Variants in KCNJ5 observed in about 807,000 individuals in gnomAD.
The protein encoded by KCNJ5 is potassium inwardly rectifying channel subfamily J member 5.
Under a neutral mutation model 20.2 loss-of-function variants are expected in KCNJ5, and 12 were observed. The observed-to-expected ratio is 0.59, with a 90% CI of 0.38 to 0.96. The LOEUF is 0.96. KCNJ5 is among the 40% of genes least tolerant of loss of function. The pLI, the probability that KCNJ5 is intolerant of heterozygous loss-of-function variation, is 0.00. For missense variants in KCNJ5, 449 were observed against 557.6 expected, an observed-to-expected ratio of 0.81 and a Z score of 1.96; for synonymous variants, 210 against 213.9, an observed-to-expected ratio of 0.98 and a Z score of 0.16.
At chr11:128,891,911 G>T (rs1380675645) in intron 1 of KCNJ5, among the ~76,000 whole-genome samples, 190 bp downstream of exon 1, 2 of 152,234 alleles carry the variant, frequency 1.3e-5, no homozygotes, top group Admixed American at 1.3e-4. Context: ...CTCCGTGGCT[G>T]CAGGCTGCCC....
intron 1 of KCNJ5, chr11:128,902,257 G>A (rs990515622): frequency 3.1e-5 from 14 of 450,456 alleles, no homozygotes; most frequent in Admixed American, 1.5e-4. Flanking sequence ...TTACATCGGC[G>A]CCAGGAACCA....
intron 1 of KCNJ5, chr11:128,900,760 C>T (rs992732216): frequency 6.6e-6 from 1 of 152,246 alleles, no homozygotes; most frequent in Non-Finnish European, 1.5e-5. Flanking sequence ...GCCCAACTAT[C>T]CAACTACAAA....
intron 1 of KCNJ5, among the ~76,000 whole-genome samples, chr11:128,910,618 G>A (rs1391529698): frequency 6.6e-6 from 1 of 152,218 alleles, no homozygotes; most frequent in Non-Finnish European, 1.5e-5. Context: ...TGGCCTGGGT[G>A]TCACTTAACC....
chr11:128,908,030 G>A (rs190607443), intron 1 of KCNJ5, among the ~76,000 whole-genome samples: 8 of 152,348 alleles, frequency 5.3e-5, no homozygotes, highest in Non-Finnish European at 8.8e-5. Flanking sequence ...GGAAGCCAGG[G>A]TTTCAAGGAT....
Position 128,903,374 on chromosome 11 carries a change from A to G in KCNJ5, c.-10-7890A>G, listed in dbSNP as rs763554422. On this transcript the variant is annotated intron_variant, in intron 1 of 2. Coordinates refer to ENST00000529694, the MANE Select transcript of KCNJ5 (RefSeq NM_000890.5). ...TCCGGCAGCTGCACTCACCTCACACAGCCACAGCCGTGGGTGTAGACGGCA... is the reference window on the plus strand; with the variant it reads ...TCCGGCAGCTGCACTCACCTCACACGGCCACAGCCGTGGGTGTAGACGGCA... 2.5e-6 allele frequency: 4 copies of G among 1,614,136 alleles called. No homozygotes were observed. In the Admixed American group the frequency reaches 6.7e-5, roughly 27 times the overall value.
At chr11:128,898,761 G>A (rs1944216492) in intron 1 of KCNJ5, among the ~76,000 whole-genome samples, 1 of 152,076 alleles carries the variant, frequency 6.6e-6, no homozygotes, top group Non-Finnish European at 1.5e-5. Flanking sequence ...TCGGCTCACT[G>A]CCAACCTCTG....
At chr11:128,913,068 C>T (rs754436291) in intron 2 of KCNJ5, among the ~76,000 whole-genome samples, 2 of 152,196 alleles carry the variant, frequency 1.3e-5, no homozygotes, top group Non-Finnish European at 2.9e-5. Context: ...GTGGACTTCT[C>T]GCTGTCCTTA....
intron 1 of KCNJ5, chr11:128,909,924 C>T (rs1944473614): frequency 6.6e-6 from 1 of 152,266 alleles, no homozygotes; most frequent in African/African-American, 2.4e-5. Flanking sequence ...GCATCAGTGT[C>T]TGCTGGCCGT....
Position 128,921,123 on chromosome 11 carries a change from A to C in KCNJ5, c.*4392A>C, listed in dbSNP as rs1944658875. 6.6e-6 allele frequency: 1 copy of C among 152,262 alleles called. No individual in the cohort carries two copies. Among genetic ancestry groups the C allele is most frequent in the African/African-American group, 2.4e-5 (1 of 41,474 alleles). 9.4% of individuals were successfully genotyped at this position (152,262 alleles called of 1,614,324 possible). ...ATGCAAAAGAACACCACTGCACTGC[A>C]CTGCTAAAAATTCACACAATAAAAT... On this transcript the variant is annotated 3_prime_UTR_variant, in exon 3 of 3. Coordinates refer to ENST00000529694, the MANE Select transcript of KCNJ5 (RefSeq NM_000890.5).
intron 2 of KCNJ5, 96 bp from the exon 3 acceptor site, chr11:128,916,313 G>C (rs1944581654): frequency 6.7e-6 from 6 of 898,706 alleles, no homozygotes; most frequent in Admixed American, 1.8e-5. Flanking sequence ...TGGATGGATA[G>C]ATGGATGGAT....
intron 2 of KCNJ5, 42 bp downstream of exon 2, chr11:128,912,252 A>T (rs749017826): frequency 6.7e-7 from 1 of 1,494,416 alleles, no homozygotes; most frequent in Non-Finnish European, 9.2e-7. Context: ...GGCCCTACCT[A>T]CACTTCAGAC....
intron 2 of KCNJ5, among the ~76,000 whole-genome samples, chr11:128,914,489 G>A (rs1944548455): frequency 6.6e-6 from 1 of 152,204 alleles, no homozygotes; most frequent in African/African-American, 2.4e-5. Flanking sequence ...AGATAGGGCA[G>A]GAGACCCTGG....
At chr11:128,902,728 A>G (rs1269831710) in intron 1 of KCNJ5, 2 of 1,589,478 alleles carry the variant, frequency 1.3e-6, no homozygotes, top group African/African-American at 1.3e-5. Flanking sequence ...TGGTGCAAAC[A>G]GGGAGGCTGT....
At chr11:128,905,297 C>T (rs1030170636) in intron 1 of KCNJ5, among the ~76,000 whole-genome samples, 7 of 152,346 alleles carry the variant, frequency 4.6e-5, no homozygotes, top group African/African-American at 1.7e-4. Context: ...CCCGCCTCCT[C>T]CGCAGCCGCA....
At chr11:128,898,880 A>G (rs1461543534) in intron 1 of KCNJ5, among the ~76,000 whole-genome samples, 2 of 152,012 alleles carry the variant, frequency 1.3e-5, no homozygotes, top group South Asian at 4.2e-4. Flanking sequence ...GAGTTTCACC[A>G]TGTTCGCTAC....
At chr11:128,904,748 G>C (rs1468004142) in intron 1 of KCNJ5, 1 of 547,258 alleles carries the variant, frequency 1.8e-6, no homozygotes, top group East Asian at 2.9e-5. Context: ...GTGTTGAGTG[G>C]GGGTTCGCTG....
rs745645274 is a variant in KCNJ5, at chr11:128,902,741, G to C, written c.-10-8523G>C. 6.3e-6 allele frequency: 10 copies of C among 1,575,836 alleles called. No homozygotes were observed. In the East Asian group the frequency reaches 2.2e-4, roughly 35 times the overall value. ...GTTGGTGCAAACAGGGAGGCTGTGAGAGGAATTCAGTGGCACTACCACAAC... is the reference window on the plus strand; with the variant it reads ...GTTGGTGCAAACAGGGAGGCTGTGACAGGAATTCAGTGGCACTACCACAAC... On this transcript the variant is annotated intron_variant, in intron 1 of 2. Coordinates refer to ENST00000529694, the MANE Select transcript of KCNJ5 (RefSeq NM_000890.5).
rs1944089186 is a variant in KCNJ5, at chr11:128,891,490, T to C, written c.-242T>C. 1.6e-5 allele frequency: 2 copies of C among 124,206 alleles called. No homozygotes were observed. The highest frequency in any genetic ancestry group is 1.6e-4 in the Admixed American group (2 of 12,854). The allele number at this position is 124,206 out of a possible 1,614,324, so 7.7% of individuals were successfully genotyped here. A position where few individuals can be genotyped will look rare whatever the true frequency, so the allele number is the denominator to read the frequency against. The stretch of plus-strand genomic sequence containing the variant: ...GAGAGAGAGAGATTGTTCCAGCTGC[T>C]CTCGCTAGAGAAAGGGAGTGACCCA... On this transcript the variant is annotated 5_prime_UTR_variant, in exon 1 of 3. Coordinates refer to ENST00000529694, the MANE Select transcript of KCNJ5 (RefSeq NM_000890.5).
rs374311714 is a variant in KCNJ5, at chr11:128,919,164, T to A, written c.*2433T>A. 8.2e-4 allele frequency: 125 copies of A among 152,488 alleles called. No individual in the cohort carries two copies. Among genetic ancestry groups the A allele is most frequent in the African/African-American group, 2.9e-3 (120 of 41,566 alleles). 9.4% of individuals were successfully genotyped at this position (152,488 alleles called of 1,614,324 possible). ...CAGGTTAGAGCTCATGGGGGTCAACTAAGCGAGGGAGGGAAGGCGAAGGCA... is the reference window on the plus strand; with the variant it reads ...CAGGTTAGAGCTCATGGGGGTCAACAAAGCGAGGGAGGGAAGGCGAAGGCA... On this transcript the variant is annotated 3_prime_UTR_variant, in exon 3 of 3. Coordinates refer to ENST00000529694, the MANE Select transcript of KCNJ5 (RefSeq NM_000890.5).
Sources: allele counts gnomAD v4.1 joint callset (sites outside exome capture counted in the v4.1 genomes callset), GRCh38; gene constraint gnomAD v4.1.1; transcripts MANE v1.5; gene names NCBI Gene and HGNC (gene_info 2026-07-23, HGNC 2026-07-21).